Variants in TLE1 observed in about 807,000 individuals in gnomAD.
The protein encoded by TLE1 is transducin-like enhancer protein 1.
TLE1 carries 21 observed loss-of-function variants against 89.8 expected under a neutral mutation model. That is an observed-to-expected ratio of 0.23 (90% CI 0.17 to 0.34). TLE1 has a LOEUF of 0.34. TLE1 is among the 10% of genes least tolerant of loss of function. TLE1 has a pLI of 1.00. For synonymous variants in TLE1, 447 were observed against 407.6 expected, an observed-to-expected ratio of 1.10 and a Z score of -1.16; for missense variants, 795 against 1,031.2, an observed-to-expected ratio of 0.77 and a Z score of 3.14.
At chr9:81,683,469 T>A (rs992433256) in intron 4 of TLE1, among the ~76,000 whole-genome samples, 1 of 152,094 alleles carries the variant, frequency 6.6e-6, no homozygotes, top group Non-Finnish European at 1.5e-5. Context: ...GCAAAAAGCA[T>A]CAATTTGAGC....
intron 4 of TLE1, among the ~76,000 whole-genome samples, chr9:81,676,947 A>C (rs1204191726): frequency 6.6e-6 from 1 of 152,252 alleles, no homozygotes; most frequent in Non-Finnish European, 1.5e-5. Context: ...TATGTAACTT[A>C]CAAATTTGGC....
chr9:81,592,542 A>G lies in TLE1; in HGVS notation c.1581+483T>C, dbSNP rs117718331. Among the ~76,000 whole-genome samples the G allele has an allele frequency of 9.0e-4, 137 of 152,224 alleles. 1 individual carries two copies. The East Asian group carries it at 0.015, about 16-fold the overall frequency. ...AGTGACAGCCTTTAACCCTTTCCTG[A>G]AGTTAAGGCCATAAAACCTAACCAG... On this transcript the variant is annotated intron_variant, in intron 15 of 19. Transcript: ENST00000376499.
chr9:81,681,528 T>A (rs1269678141), intron 4 of TLE1, among the ~76,000 whole-genome samples: 1 of 150,552 alleles, frequency 6.6e-6, no homozygotes, highest in African/African-American at 2.5e-5. Flanking sequence ...CCAGCCTGGG[T>A]GACGGAACGA....
At chr9:81,667,591 G>A (rs1831643938) in intron 4 of TLE1, among the ~76,000 whole-genome samples, 1 of 152,044 alleles carries the variant, frequency 6.6e-6, no homozygotes, top group Admixed American at 6.6e-5. Flanking sequence ...TCTACAAGGA[G>A]ATCTAGGCCC....
rs1834653708 is a variant in TLE1 at position 81,688,380 on chromosome 9, C to A, written c.-140G>T. The A allele has an allele frequency of 2.1e-5, 20 of 972,274 alleles. No homozygotes were observed. Among genetic ancestry groups the A allele is most frequent in the Non-Finnish European group, 2.8e-5 (20 of 709,170 alleles). The allele number at this position is 972,274 out of a possible 1,614,324, so 60.2% of individuals were successfully genotyped here. On this transcript the variant is annotated 5_prime_UTR_variant, in exon 1 of 20. Coordinates refer to ENST00000376499, the MANE Select transcript of TLE1 (RefSeq NM_005077.5). ...CGCTGGCCACGCACGCGCGCTCCGC[C>A]GGGCGCACCGGCCACTCGGCGCCCG...
At chr9:81,653,217 A>G (rs1829769564) in intron 5 of TLE1, among the ~76,000 whole-genome samples, 1 of 152,190 alleles carries the variant, frequency 6.6e-6, no homozygotes, top group Admixed American at 6.5e-5. Context: ...GCATGGAGCA[A>G]CAGGTGCCAA....
At position 81,611,858 on chromosome 9, in the gene TLE1, C is replaced by T. The variant is rs556195256; in HGVS notation, c.1165G>A (p.Ala389Thr). 96 of 1,561,224 alleles carry T rather than the reference C, an allele frequency of 6.1e-5. No homozygotes were observed. Among genetic ancestry groups the T allele is most frequent in the Non-Finnish European group, 7.5e-5 (87 of 1,157,434 alleles). ...GMNGELTSPG[A>T]AYASLHNMSP... ...ATGTTGTGTAAACTGGCGTAGGCAG[C>T]GCCTGGGCTGGTCAGCTCGCCGTTC... is the stretch of plus-strand genomic sequence containing the variant. The change falls in exon 13 of 20, where the codon GCT becomes ACT. Residue 389 changes from alanine to threonine, a missense_variant. Around this residue, in one of 4 missense-constraint regions of TLE1, gnomAD observed 468 missense variants for 509.1 expected, o/e 0.92. Coordinates refer to ENST00000376499, the MANE Select transcript of TLE1 (RefSeq NM_005077.5).
At chr9:81,593,301 A>G in intron 14 of TLE1, 27 bp from the exon 15 acceptor site, 1 of 1,587,666 alleles carries the variant, frequency 6.3e-7, no homozygotes, top group Non-Finnish European at 8.6e-7. Context: ...TGGAGAGAAG[A>G]CAGAAAACAC....
At chr9:81,585,747 G>A in intron 17 of TLE1, 92 bp from the exon 18 acceptor site, 2 of 1,484,270 alleles carry the variant, frequency 1.3e-6, no homozygotes, top group Non-Finnish European at 1.8e-6. Flanking sequence ...TAGCAAGAAT[G>A]GGGGGAAGTA....
chr9:81,616,222 C>T (rs942759962), intron 10 of TLE1, 88 bp from the exon 11 acceptor site: 1 of 1,506,668 alleles, frequency 6.6e-7, no homozygotes, highest in African/African-American at 1.4e-5. Context: ...AATTTAAGGA[C>T]AGAGCTGAAA....
At chr9:81,597,353 G>A (rs1451472958) in intron 14 of TLE1, among the ~76,000 whole-genome samples, 2 of 152,162 alleles carry the variant, frequency 1.3e-5, no homozygotes, top group African/African-American at 2.4e-5. Context: ...GTGGGTCAGG[G>A]AATGCGGAAA....
At chr9:81,672,125 A>G (rs192576281) in intron 4 of TLE1, among the ~76,000 whole-genome samples, 1 of 152,296 alleles carries the variant, frequency 6.6e-6, no homozygotes, top group East Asian at 1.9e-4. Flanking sequence ...GCACACCCAG[A>G]TCAGAAGGCG....
chr9:81,640,079 G>A (rs537423113), intron 6 of TLE1, among the ~76,000 whole-genome samples: 2 of 151,952 alleles, frequency 1.3e-5, no homozygotes, highest in South Asian at 2.1e-4. Flanking sequence ...CATCTAATGG[G>A]TGAAGGCCAA....
intron 6 of TLE1, 110 bp downstream of exon 6, chr9:81,652,104 G>GATAC: frequency 1.7e-6 from 1 of 587,764 alleles, no homozygotes; most frequent in East Asian, 4.3e-5. Flanking sequence ...TCAACGTTAA[G>GATAC]ATACACACAC....
At chr9:81,643,394 G>A (rs1564015870) in intron 6 of TLE1, among the ~76,000 whole-genome samples, 3 of 151,350 alleles carry the variant, frequency 2.0e-5, no homozygotes, top group Non-Finnish European at 2.9e-5. Flanking sequence ...GTGCCACCAC[G>A]CCAGGCTAAT....
chr9:81,673,154 T>C (rs971859616), intron 4 of TLE1, among the ~76,000 whole-genome samples: 1 of 151,498 alleles, frequency 6.6e-6, no homozygotes, highest in African/African-American at 2.4e-5. Flanking sequence ...ACGCCTGTAA[T>C]CCCAGCTACT....
intron 15 of TLE1, among the ~76,000 whole-genome samples, chr9:81,592,597 C>A (rs1162095935): frequency 6.6e-6 from 1 of 152,118 alleles, no homozygotes; most frequent in African/African-American, 2.4e-5. Context: ...AAAACACAGA[C>A]CCTGTTCAGA....
rs182170822 is a variant in TLE1, at chr9:81,641,392, A to G, written c.373-7091T>C. On this transcript the variant is annotated intron_variant, in intron 6 of 19. Transcript: ENST00000376499. ...GGTGATCAACAGGAAGAAACTGCTTATGGGGCCAAGAATTCTCCAGCCACT... is the reference window on the plus strand; with the variant it reads ...GGTGATCAACAGGAAGAAACTGCTTGTGGGGCCAAGAATTCTCCAGCCACT... Among the ~76,000 whole-genome samples, 7 of 152,238 alleles carry G rather than the reference A, an allele frequency of 4.6e-5. No individual in the cohort carries two copies. In the East Asian group the frequency reaches 9.7e-4, roughly 21 times the overall value.
At chr9:81,652,104 G>GACACACAC (rs1829620304) in intron 6 of TLE1, 110 bp downstream of exon 6, 1 of 587,766 alleles carries the variant, frequency 1.7e-6, no homozygotes, top group African/African-American at 3.8e-5. Context: ...TCAACGTTAA[G>GACACACAC]ATACACACAC....
Sources: gnomAD v4.1 joint callset for allele counts (sites outside exome capture counted in the v4.1 genomes callset) on GRCh38, gnomAD v4.1.1 for gene constraint, gnomAD v4.1.1 regional missense constraint, MANE v1.5 for transcripts, NCBI Gene and HGNC (gene_info 2026-07-23, HGNC 2026-07-21) for gene names.